CNGA3: variants seen among roughly 807,000 people sequenced by gnomAD.
CNGA3 encodes cyclic nucleotide-gated channel alpha-3.
CNGA3 carries 42 observed loss-of-function variants against 46.6 expected under a neutral mutation model. That is an observed-to-expected ratio of 0.90 (90% CI 0.70 to 1.17). CNGA3 has a LOEUF of 1.17. Ranked by LOEUF, CNGA3 falls within the 50% of genes most tolerant of loss-of-function variation. The pLI is 0.00. For synonymous variants in CNGA3, 394 were observed against 369.4 expected, an observed-to-expected ratio of 1.07 and a Z score of -0.76; for missense variants, 893 against 890.7, an observed-to-expected ratio of 1.00 and a Z score of -0.03.
chr2:98,387,912 T>A (rs1490586258), intron 5 of CNGA3, among the ~76,000 whole-genome samples: 1 of 152,132 alleles, frequency 6.6e-6, no homozygotes, highest in Non-Finnish European at 1.5e-5. Flanking sequence ...AACTTCAATG[T>A]GTGGATTTGG....
Position 98,394,652 on chromosome 2 carries a change from C to T in CNGA3, c.674-1192C>T, listed in dbSNP as rs117528046. Among the ~76,000 whole-genome samples the T allele has an allele frequency of 4.3e-4, 65 of 152,030 alleles. No individual in the cohort carries two copies. In the East Asian group the frequency reaches 9.9e-3, roughly 23 times the overall value. On this transcript the variant is annotated intron_variant, in intron 7 of 7. Transcript: ENST00000272602. ...TTTGATTTTCCTGTTTTTGTTTTTG[C>T]TCTTTTGTTTCATCCACCCTTTTCT...
intron 1 of CNGA3, chr2:98,355,785 G>A (rs1375474083): frequency 6.6e-6 from 1 of 152,154 alleles, no homozygotes; most frequent in Non-Finnish European, 1.5e-5. Context: ...TCTATTATTA[G>A]ATGAAAAAAT....
intron 7 of CNGA3, among the ~76,000 whole-genome samples, chr2:98,394,003 C>T (rs1029284568): frequency 6.6e-6 from 1 of 150,916 alleles, no homozygotes; most frequent in African/African-American, 2.4e-5. Context: ...GACGTCCTAC[C>T]CCAGTCTAGC....
chr2:98,349,044 G>A (rs1691712325), intron 1 of CNGA3, among the ~76,000 whole-genome samples: 1 of 152,208 alleles, frequency 6.6e-6, no homozygotes, highest in Non-Finnish European at 1.5e-5. Flanking sequence ...TTAGTCAGGA[G>A]AGAGTAAGGC....
intron 1 of CNGA3, among the ~76,000 whole-genome samples, chr2:98,366,713 C>G (rs1692160794): frequency 6.6e-6 from 1 of 152,206 alleles, no homozygotes; most frequent in Admixed American, 6.5e-5. Flanking sequence ...CCTCCTGGGC[C>G]CAAACTGCCC....
intron 6 of CNGA3, among the ~76,000 whole-genome samples, chr2:98,390,992 G>A (rs1461231923): frequency 1.3e-5 from 2 of 152,232 alleles, no homozygotes; most frequent in Non-Finnish European, 2.9e-5. Context: ...AGTCCTGCCT[G>A]TCCTTCTGAG....
intron 1 of CNGA3, among the ~76,000 whole-genome samples, chr2:98,368,063 A>G (rs952054366): frequency 1.3e-5 from 2 of 152,230 alleles, no homozygotes; most frequent in Non-Finnish European, 2.9e-5. Flanking sequence ...AAACTCACTC[A>G]TTGTTACATA....
chr2:98,391,950 T>G lies in CNGA3; in HGVS notation c.653T>G (p.Val218Gly). Reference protein sequence around the residue: ...YSADVLYVLDVLVRARTGFLE... With the variant: ...YSADVLYVLDGLVRARTGFLE... Reference sequence around the variant, plus strand: ...GCAGATGTCCTGTATGTCTTGGATGTGCTTGTACGAGCTCGGACAGGTGAG... The same window carrying G: ...GCAGATGTCCTGTATGTCTTGGATGGGCTTGTACGAGCTCGGACAGGTGAG... Residue 218 changes from valine to glycine, a missense_variant, in exon 7 of 8, where the codon GTG becomes GGG. Transcript: ENST00000272602. The G allele has an allele frequency of 6.2e-7, 1 of 1,614,074 alleles. No homozygotes were observed. Among genetic ancestry groups the G allele is most frequent in the Non-Finnish European group, 8.5e-7 (1 of 1,179,986 alleles).
At chr2:98,380,486 GAA>G in intron 4 of CNGA3, 132 bp downstream of exon 4, 1 of 1,182,402 alleles carries the variant, frequency 8.5e-7, no homozygotes, top group Non-Finnish European at 1.2e-6. Context: ...GTTCCTTGAA[GAA>G]AGTGTTTGCC....
At chr2:98,377,478 C>T in intron 2 of CNGA3, 1 of 576,446 alleles carries the variant, frequency 1.7e-6, no homozygotes, top group Non-Finnish European at 3.2e-6. Flanking sequence ...CAGTAGCTAC[C>T]TTCCTTGCTG....
intron 6 of CNGA3, among the ~76,000 whole-genome samples, chr2:98,390,576 T>C (rs1692761641): frequency 6.6e-6 from 1 of 152,156 alleles, no homozygotes; most frequent in Non-Finnish European, 1.5e-5. Context: ...TGAGCAGGCC[T>C]CCAGGGTGGG....
intron 1 of CNGA3, among the ~76,000 whole-genome samples, chr2:98,367,201 T>TTTTTTA (rs1257482068): frequency 5.4e-5 from 8 of 147,780 alleles, no homozygotes; most frequent in Non-Finnish European, 1.0e-4. Flanking sequence ...TTTTTTTTTT[T>TTTTTTA]ATTGAGACAG....
intron 5 of CNGA3, among the ~76,000 whole-genome samples, chr2:98,389,392 C>T (rs1471445256): frequency 6.6e-6 from 1 of 152,194 alleles, no homozygotes; most frequent in African/African-American, 2.4e-5. Flanking sequence ...GTCGTGGGCA[C>T]ATGGGAATGT....
At chr2:98,353,988 G>A (rs1387216746) in intron 1 of CNGA3, among the ~76,000 whole-genome samples, 2 of 152,184 alleles carry the variant, frequency 1.3e-5, no homozygotes, top group African/African-American at 4.8e-5. Flanking sequence ...CCACCACTAT[G>A]AGCCAATTAC....
intron 4 of CNGA3, 138 bp downstream of exon 4, chr2:98,380,492 G>A (rs1692513634): frequency 8.7e-7 from 1 of 1,149,752 alleles, no homozygotes; most frequent in African/African-American, 1.5e-5. Flanking sequence ...TGAAGAAAGT[G>A]TTTGCCCTTG....
intron 3 of CNGA3, among the ~76,000 whole-genome samples, chr2:98,378,479 T>C (rs1338738007): frequency 6.6e-6 from 1 of 152,210 alleles, no homozygotes; most frequent in East Asian, 1.9e-4. Context: ...CACCACGTGG[T>C]TTTTTCCAAT....
chr2:98,380,354 G>A lies in CNGA3; in HGVS notation c.395G>A (p.Ser132Asn), dbSNP rs1692511014. Residue 132 changes from serine (S) to asparagine (N), a missense_variant and splice_region_variant, in exon 4 of 8, where the codon AGC becomes AAC. Around this residue, in one of 3 missense-constraint regions of CNGA3, gnomAD observed 333 missense variants for 290.8 expected, o/e 1.15. Coordinates refer to ENST00000272602, the MANE Select transcript of CNGA3 (RefSeq NM_001298.3). ...CAGGAGCCAGCAGACAGAGGGAGAA[G>A]GTAAGGAACGGAAAAGAAGAAGGGG... The part of the protein sequence containing the change: ...GSQEPADRGR[S>N]AWPLAKCNTN... 2 of 1,613,700 alleles carry A rather than the reference G, an allele frequency of 1.2e-6. No homozygotes were observed. The highest frequency in any genetic ancestry group is 1.7e-4 in the Middle Eastern group (1 of 6,060).
chr2:98,395,233 G>T (rs567752034), intron 7 of CNGA3, among the ~76,000 whole-genome samples: 5 of 151,664 alleles, frequency 3.3e-5, no homozygotes, highest in Non-Finnish European at 7.4e-5. Flanking sequence ...GTAGTGGTGC[G>T]ATCTTGGCTC....
intron 1 of CNGA3, among the ~76,000 whole-genome samples, chr2:98,349,169 C>T (rs149651675): frequency 8.5e-5 from 13 of 152,114 alleles, no homozygotes; most frequent in African/African-American, 2.7e-4. Context: ...TGCCAGAACC[C>T]GTCACTCAGC....
Sources: gnomAD v4.1 joint callset for allele counts (sites outside exome capture counted in the v4.1 genomes callset) on GRCh38, gnomAD v4.1.1 for gene constraint, gnomAD v4.1.1 regional missense constraint, MANE v1.5 for transcripts, NCBI Gene and HGNC (gene_info 2026-07-23, HGNC 2026-07-21) for gene names.